The following CFAP47 variants were observed in gnomAD, a reference collection of about 807,000 sequenced individuals.
The protein encoded by CFAP47 is cilia- and flagella-associated protein 47.
In CFAP47, 29 loss-of-function variants were observed where a neutral mutation model predicts 148.1. That is an observed-to-expected ratio of 0.20 (90% CI 0.15 to 0.27). The LOEUF is 0.27. CFAP47 is among the 10% of genes least tolerant of loss of function. The pLI is 1.00. For missense variants in CFAP47, 1,872 were observed against 1,697.5 expected (o/e 1.10, Z -1.81); for synonymous variants, 664 against 577.3 (o/e 1.15, Z -2.15).
At chrX:36,359,885 G>C (rs1014289521) in intron 60 of CFAP47, among the ~76,000 whole-genome samples, 2 of 110,999 alleles carry the variant, frequency 1.8e-5, no homozygotes, top group Admixed American at 1.9e-4. Flanking sequence ...GGAGTAGCTG[G>C]GACTACAGGT....
intron 49 of CFAP47, among the ~76,000 whole-genome samples, chrX:36,266,169 C>T (rs1569303666): frequency 9.3e-6 from 1 of 107,912 alleles, no homozygotes; most frequent in East Asian, 3.0e-4. Flanking sequence ...GTGGGGGTGG[C>T]GAGAGCACTA....
At chrX:35,920,290 A>G (rs1043764691) in intron 1 of CFAP47, among the ~76,000 whole-genome samples, 5 of 111,584 alleles carry the variant, frequency 4.5e-5, no homozygotes, top group African/African-American at 1.3e-4. Context: ...GAGCCTCCCC[A>G]TTTCTTCAAC....
chrX:36,324,463 T>C (rs1281473351), intron 57 of CFAP47, among the ~76,000 whole-genome samples: 1 of 111,651 alleles, frequency 9.0e-6, no homozygotes, highest in Non-Finnish European at 1.9e-5. Context: ...GTATGGGGAC[T>C]GAGCATTATG....
intron 29 of CFAP47, among the ~76,000 whole-genome samples, chrX:36,078,277 A>G (rs982508392): frequency 3.6e-5 from 4 of 110,780 alleles, no homozygotes; most frequent in African/African-American, 1.3e-4. Flanking sequence ...TCGGTCTCGT[A>G]GATCTGTCTC....
intron 30 of CFAP47, among the ~76,000 whole-genome samples, chrX:36,089,103 C>G (rs1229058832): frequency 8.9e-6 from 1 of 111,856 alleles, no homozygotes; most frequent in African/African-American, 3.3e-5. Flanking sequence ...TGCGGTGGCT[C>G]ACGCGTATAA....
At chrX:36,268,670 T>G (rs1940923683) in intron 49 of CFAP47, among the ~76,000 whole-genome samples, 1 of 112,388 alleles carries the variant, frequency 8.9e-6, no homozygotes, top group Non-Finnish European at 1.9e-5. Flanking sequence ...TCTGTATGTC[T>G]GTCTGTCTCT....
intron 48 of CFAP47, among the ~76,000 whole-genome samples, chrX:36,243,731 T>C (rs1940579306): frequency 1.0e-5 from 1 of 99,273 alleles, no homozygotes; most frequent in Admixed American, 1.1e-4. Context: ...GTTCTTGATG[T>C]TCCAAAGACA....
At chrX:36,321,299 G>T (rs1941477006) in intron 57 of CFAP47, among the ~76,000 whole-genome samples, 1 of 111,411 alleles carries the variant, frequency 9.0e-6, no homozygotes, top group African/African-American at 3.3e-5. Flanking sequence ...TCACTTATTT[G>T]TGGGATCTAA....
chrX:36,355,253 T>C (rs894688760), intron 60 of CFAP47, among the ~76,000 whole-genome samples: 1 of 111,058 alleles, frequency 9.0e-6, no homozygotes, highest in Non-Finnish European at 1.9e-5. Flanking sequence ...CCCTTGAACA[T>C]TGTTGGTAGG....
intron 48 of CFAP47, among the ~76,000 whole-genome samples, chrX:36,242,345 T>C (rs782463541): frequency 1.3e-4 from 14 of 111,761 alleles, no homozygotes; most frequent in Middle Eastern, 4.6e-3. Flanking sequence ...ATTACAGAAA[T>C]AGAATTCAGA....
At chrX:36,334,499 C>T (rs1019620414) in intron 57 of CFAP47, among the ~76,000 whole-genome samples, 5 of 110,701 alleles carry the variant, frequency 4.5e-5, no homozygotes, top group African/African-American at 3.3e-5. Flanking sequence ...AATGCTTATC[C>T]TCACATCATC....
chrX:36,374,721 T>A, intron 62 of CFAP47: 1 of 411,293 alleles, frequency 2.4e-6, no homozygotes. Flanking sequence ...TTTTGTTGTG[T>A]TTTCATTTCC....
At position 36,379,466 on chromosome X, in the gene CFAP47, G is replaced by C. The variant is rs267606445; in HGVS notation, c.9302G>C (p.Gly3101Ala). Residue 3101 changes from glycine (G) to alanine (A), a missense_variant, in exon 63 of 64, where the codon GGA (glycine) becomes GCA (alanine). By Grantham distance (60) the Gly-to-Ala change is moderately conservative. Transcript: ENST00000378653. Reference sequence around the variant, plus strand: ...ACAAACGGAACTCTCATCACTGTAGGATTTAAACCTAAAATGTACTGTAGG... The same window carrying C: ...ACAAACGGAACTCTCATCACTGTAGCATTTAAACCTAAAATGTACTGTAGG... Reference protein sequence around the residue: ...FNTNGTLITVGFKPKMYCRKY... With the variant: ...FNTNGTLITVAFKPKMYCRKY... The C allele has an allele frequency of 8.6e-7, 1 of 1,164,245 alleles. No individual in the cohort carries two copies. Among genetic ancestry groups the C allele is most frequent in the Admixed American group, 2.6e-5 (1 of 38,740 alleles).
chrX:36,221,331 A>G (rs1423788999), intron 45 of CFAP47, among the ~76,000 whole-genome samples: 1 of 111,908 alleles, frequency 8.9e-6, no homozygotes, highest in Non-Finnish European at 1.9e-5. Context: ...TTACTGTAAG[A>G]TATTTTTATG....
intron 2 of CFAP47, among the ~76,000 whole-genome samples, chrX:35,927,032 G>A (rs1438418810): frequency 9.2e-6 from 1 of 108,617 alleles, no homozygotes; most frequent in Admixed American, 1.0e-4. Context: ...GCGCATGACT[G>A]TAGTCCCAGC....
At chrX:36,364,526 G>T (rs1941855525) in intron 61 of CFAP47, among the ~76,000 whole-genome samples, 1 of 109,892 alleles carries the variant, frequency 9.1e-6, no homozygotes, top group African/African-American at 3.3e-5. Context: ...AAAGTGGATA[G>T]TTAGGCTTCC....
intron 33 of CFAP47, among the ~76,000 whole-genome samples, chrX:36,125,452 A>G (rs891087328): frequency 4.5e-5 from 5 of 111,353 alleles, no homozygotes; most frequent in African/African-American, 1.6e-4. Context: ...TATTATATTT[A>G]TAATTGGAAT....
At chrX:35,936,548 G>A (rs999914414) in intron 2 of CFAP47, among the ~76,000 whole-genome samples, 3 of 107,407 alleles carry the variant, frequency 2.8e-5, no homozygotes, top group African/African-American at 1.0e-4. Context: ...CATCAAAATC[G>A]TTATTTTTTT....
At chrX:36,051,953 C>A (rs5972011) in intron 26 of CFAP47, among the ~76,000 whole-genome samples, 5,992 of 110,976 alleles carry the variant, frequency 0.054, 447 homozygotes, top group African/African-American at 0.19. Context: ...TTATGAAGGG[C>A]AGTTCTCTTG....
Sources: gnomAD v4.1 joint callset for allele counts (sites outside exome capture counted in the v4.1 genomes callset) on GRCh38, gnomAD v4.1.1 for gene constraint, MANE v1.5 for transcripts, NCBI Gene and HGNC (gene_info 2026-07-23, HGNC 2026-07-21) for gene names.